The following P2RX6 variants were observed in gnomAD, a reference collection of about 807,000 sequenced individuals.
P2RX6 encodes the protein purinergic receptor P2X 6.
Under a neutral mutation model 54.2 loss-of-function variants are expected in P2RX6, and 62 were observed. The observed-to-expected ratio is 1.14, with a 90% CI of 0.93 to 1.41. The LOEUF is 1.41. Among genes scored for constraint, P2RX6 ranks in the 40% most tolerant of loss-of-function variants. The pLI is 0.00. For missense variants in P2RX6, 541 were observed against 566.3 expected, an observed-to-expected ratio of 0.96 and a Z score of 0.45; for synonymous variants, 211 against 231.9, an observed-to-expected ratio of 0.91 and a Z score of 0.82.
chr22:21,015,801 G>A (rs535606740), intron 1 of P2RX6, 141 bp from the exon 2 acceptor site: 2 of 796,950 alleles, frequency 2.5e-6, no homozygotes, highest in Non-Finnish European at 4.0e-6. Context: ...GTGGGAAGTG[G>A]GGCCAGAGAG....
Position 21,022,989 on chromosome 22 carries a change from T to C in P2RX6, c.511T>C (p.Cys171Arg), listed in dbSNP as rs1927692960. Residue 171 changes from cysteine to arginine, a missense_variant, in exon 5 of 12, where the codon TGT becomes CGT. By Grantham distance (180) the Cys-to-Arg change is radical (BLOSUM62 -3). Around this residue, in one of 2 missense-constraint regions of P2RX6, gnomAD observed 526 missense variants for 531.5 expected, o/e 0.99. Transcript: ENST00000413302. ...CVVFNGTHRT[C>R]EIWSWCPVES... ...GGTGTTCAATGGGACCCACAGGACC[T>C]GTGAGATCTGGAGTTGGTGCCCCGT... 1 of 1,613,486 alleles carries C rather than the reference T, an allele frequency of 6.2e-7. No homozygotes were observed.
chr22:21,019,214 A>G (rs1289588699), intron 3 of P2RX6, among the ~76,000 whole-genome samples: 1 of 152,318 alleles, frequency 6.6e-6, no homozygotes, highest in African/African-American at 2.4e-5. Flanking sequence ...GTCGTTGTGC[A>G]GACAGCTGTC....
rs370883102 is a variant in P2RX6 at position 21,022,541 on chromosome 22, C to T, written c.388-135C>T. On this transcript the variant is annotated intron_variant, in intron 3 of 11. Coordinates refer to ENST00000413302, the MANE Select transcript of P2RX6 (RefSeq NM_005446.5). ...TGGCCCCACACTCAGGGTACTCTGG[C>T]GGCGGGGTGGTGAGGTTGTTTAAGG... The T allele has an allele frequency of 9.6e-5, 57 of 592,146 alleles. 2 individuals are homozygous for T. The highest frequency in any genetic ancestry group is 8.6e-4 in the South Asian group (32 of 37,250). 36.7% of individuals were successfully genotyped at this position (592,146 alleles called of 1,614,324 possible).
chr22:21,026,026 C>A lies in P2RX6; in HGVS notation c.1000C>A (p.Leu334Ile). Residue 334 changes from leucine (L) to isoleucine (I), a missense_variant, in exon 10 of 12, where the codon CTC becomes ATC. By Grantham distance (5) the Leu-to-Ile change is conservative. This residue lies in a region of P2RX6 where 526 missense variants were observed against 531.5 expected (regional missense o/e 0.99). Transcript: ENST00000413302. This position sits in a 1 kb window ranked among gnomAD's most constrained non-coding sequence, Gnocchi z 4.0. Reference protein sequence around the residue: ...LVTGQAGKFGLIPTAVTLGTG... With the variant: ...LVTGQAGKFGIIPTAVTLGTG... ...TCTCTCTCAGGCAGGGAAGTTCGGG[C>A]TCATCCCCACGGCCGTCACACTGGG... is the stretch of plus-strand genomic sequence containing the variant. 6.2e-7 allele frequency: 1 copy of A among 1,611,520 alleles called. No individual in the cohort carries two copies. The highest frequency in any genetic ancestry group is 8.5e-7 in the Non-Finnish European group (1 of 1,179,078).
chr22:21,020,805 T>G (rs1243845385), intron 3 of P2RX6, among the ~76,000 whole-genome samples: 1 of 152,024 alleles, frequency 6.6e-6, no homozygotes, highest in Non-Finnish European at 1.5e-5. Flanking sequence ...TCGGCCAGGC[T>G]GGTCTCAAAC....
In P2RX6 at chr22:21,015,357, T is replaced by C; in HGVS notation, c.164+19T>C. The C allele has an allele frequency of 2.0e-6, 3 of 1,492,378 alleles. No individual in the cohort carries two copies. Among genetic ancestry groups the C allele is most frequent in the Non-Finnish European group, 2.7e-6 (3 of 1,129,634 alleles). The allele number at this position is 1,492,378 out of a possible 1,614,324, so 92.4% of individuals were successfully genotyped here. A position where few individuals can be genotyped will look rare whatever the true frequency, so the allele number is the denominator to read the frequency against. ...TGGTAGGGTAAGAGAGAAGAGCTTT[T>C]GGCCAGGCTGGAGGGGCAAGGGAAG... On this transcript the variant is annotated intron_variant, in intron 1 of 11. Transcript: ENST00000413302.
rs181417584 is a variant in P2RX6, at chr22:21,019,635, C to T, written c.387+1575C>T. On this transcript the variant is annotated intron_variant, in intron 3 of 11. Coordinates refer to ENST00000413302, the MANE Select transcript of P2RX6 (RefSeq NM_005446.5). ...CTTGGTCGGGGAGACCTGAACCCAG[C>T]GGTGCTAAAGGAATTAAAGACAAAC... Among the ~76,000 whole-genome samples, 29 of 152,278 alleles carry T rather than the reference C, an allele frequency of 1.9e-4. 2 individuals are homozygous for T. Among genetic ancestry groups the T allele is most frequent in the East Asian group, 1.3e-3 (7 of 5,188 alleles).
At chr22:21,024,149 G>A (rs1329816755) in intron 8 of P2RX6, among the ~76,000 whole-genome samples, 1 of 150,742 alleles carries the variant, frequency 6.6e-6, no homozygotes, top group African/African-American at 2.4e-5. Flanking sequence ...GATAGAGATG[G>A]GTTTTCACAA....
At chr22:21,021,375 T>C (rs1189024211) in intron 3 of P2RX6, among the ~76,000 whole-genome samples, 1 of 152,126 alleles carries the variant, frequency 6.6e-6, no homozygotes. Context: ...CTTGGGCTGC[T>C]GGGCATAGGT....
intron 8 of P2RX6, 32 bp from the exon 9 acceptor site, chr22:21,025,773 C>T: frequency 1.3e-6 from 2 of 1,517,788 alleles, no homozygotes; most frequent in East Asian, 2.5e-5. Flanking sequence ...GTGGGCAAAG[C>T]AGGTCACCAG....
At chr22:21,011,571 G>C, upstream of P2RX6, 1 of 715,486 alleles carries the variant, frequency 1.4e-6, no homozygotes, top group South Asian at 1.5e-5. Flanking sequence ...CTCCCAGCTG[G>C]TTCTCCAACA....
chr22:21,017,917 C>T (rs756679504), intron 2 of P2RX6, 72 bp from the exon 3 acceptor site: 23 of 938,374 alleles, frequency 2.5e-5, no homozygotes, highest in Middle Eastern at 2.1e-4. Context: ...CCCTCATAAA[C>T]CAGGCTGCCG....
At chr22:21,013,582 G>A (rs1184276190), upstream of P2RX6, among the ~76,000 whole-genome samples, 3 of 152,172 alleles carry the variant, frequency 2.0e-5, no homozygotes, top group Non-Finnish European at 4.4e-5. Flanking sequence ...GCAAGACCCT[G>A]GCTCTAATAA....
chr22:21,011,382 AC>A (rs1404898402), upstream of P2RX6: 3 of 635,854 alleles, frequency 4.7e-6, no homozygotes, highest in African/African-American at 5.7e-5. Flanking sequence ...CGCAGGCATT[AC>A]CTGCTTGGTC....
chr22:21,025,939 A>G (rs767011602), intron 9 of P2RX6, 41 bp downstream of exon 9: 1 of 1,580,638 alleles, frequency 6.3e-7, no homozygotes, highest in Non-Finnish European at 8.6e-7. Context: ...GGGATGGGGC[A>G]GGCAGACAGG....
At chr22:21,018,270 A>G (rs1926778527) in intron 3 of P2RX6, 1 of 559,764 alleles carries the variant, frequency 1.8e-6, no homozygotes, top group Non-Finnish European at 3.2e-6. Flanking sequence ...TCCCCATTTC[A>G]GAGGAGAAGA....
Position 21,026,031 on chromosome 22 carries a change from C to T in P2RX6, c.1005C>T (p.Ile335=), listed in dbSNP as rs1250421679. The T allele has an allele frequency of 1.2e-6, 2 of 1,611,566 alleles. No homozygotes were observed. The highest frequency in any genetic ancestry group is 2.7e-5 in the African/African-American group (2 of 74,874). ...VTGQAGKFGL[I]PTAVTLGTGA... ...CTCAGGCAGGGAAGTTCGGGCTCATCCCCACGGCCGTCACACTGGGCACCG... is the reference window on the plus strand; with the variant it reads ...CTCAGGCAGGGAAGTTCGGGCTCATTCCCACGGCCGTCACACTGGGCACCG... Residue 335 remains isoleucine (I), a synonymous_variant, in exon 10 of 12, where the codon ATC becomes ATT. Coordinates refer to ENST00000413302, the MANE Select transcript of P2RX6 (RefSeq NM_005446.5). This position sits in a 1 kb window ranked among gnomAD's most constrained non-coding sequence, Gnocchi z 4.0.
Position 21,026,085 on chromosome 22 carries a change from G to A in P2RX6, c.1050+9G>A, listed in dbSNP as rs753131678. Reference sequence around the variant, plus strand: ...CAGCTTGGCTGGGCGTGGTGAGTGCGAGCACTGTGGGCACCTGCAGGCTGC... The same window carrying A: ...CAGCTTGGCTGGGCGTGGTGAGTGCAAGCACTGTGGGCACCTGCAGGCTGC... On this transcript the variant is annotated intron_variant, in intron 10 of 11. Transcript: ENST00000413302. The surrounding 1 kb of genome is among the most constrained non-coding windows in gnomAD (Gnocchi z 4.0). The A allele has an allele frequency of 3.1e-6, 5 of 1,607,138 alleles. No homozygotes were observed. Among genetic ancestry groups the A allele is most frequent in the Non-Finnish European group, 4.2e-6 (5 of 1,177,486 alleles).
chr22:21,013,844 T>A (rs146405040), upstream of P2RX6: 3 of 152,412 alleles, frequency 2.0e-5, no homozygotes, highest in Non-Finnish European at 4.4e-5. Flanking sequence ...TGGTGCACTG[T>A]CTGGCGGGAT....
Sources: allele counts gnomAD v4.1 joint callset (sites outside exome capture counted in the v4.1 genomes callset), GRCh38; gene constraint gnomAD v4.1.1; regional missense constraint gnomAD v4.1.1; non-coding constraint Gnocchi (gnomAD v3.1); transcripts MANE v1.5; gene names NCBI Gene and HGNC (gene_info 2026-07-23, HGNC 2026-07-21).